The following DIAPH2 variants were observed in gnomAD, a reference collection of about 807,000 sequenced individuals.
DIAPH2 encodes the protein protein diaphanous homolog 2.
Under a neutral mutation model 92.7 loss-of-function variants are expected in DIAPH2, and 35 were observed. The observed-to-expected ratio is 0.38, with a 90% confidence interval of 0.29 to 0.50. The LOEUF is 0.50. Ranked by LOEUF, DIAPH2 falls within the 20% of genes least tolerant of loss-of-function variation. The probability of loss-of-function intolerance (pLI) is 0.94; values close to 1 mark genes in which losing one functional copy is unlikely to be tolerated. For synonymous variants in DIAPH2, 301 were observed against 280.4 expected, an observed-to-expected ratio of 1.07 and a Z score of -0.73; for missense variants, 701 against 819.5, an observed-to-expected ratio of 0.86 and a Z score of 1.77.
At chrX:97,169,581 T>C (rs1270905608) in intron 22 of DIAPH2, among the ~76,000 whole-genome samples, 4 of 111,850 alleles carry the variant, frequency 3.6e-5, no homozygotes, top group Admixed American at 2.9e-4. Flanking sequence ...TTATTTGCAA[T>C]TGGCCAGTCA....
Position 97,072,913 on chromosome X carries a change from G to A in DIAPH2, c.2051-28G>A, listed in dbSNP as rs757435303. Reference sequence around the variant, plus strand: ...GTGTACTTGGATTAGTACCCTTATTGTTTATGAATCAACATTTTTTCTTTC... The same window carrying A: ...GTGTACTTGGATTAGTACCCTTATTATTTATGAATCAACATTTTTTCTTTC... On this transcript the variant is annotated intron_variant, in intron 17 of 26. Coordinates refer to ENST00000324765, the MANE Select transcript of DIAPH2 (RefSeq NM_006729.5). 7.2e-5 allele frequency: 76 copies of A among 1,052,946 alleles called. No homozygotes were observed. The East Asian group carries it at 2.1e-3, about 30-fold the overall frequency. 86.8% of individuals were successfully genotyped at this position (1,052,946 alleles called of 1,213,427 possible).
At chrX:97,100,667 A>G (rs144676845) in intron 20 of DIAPH2, among the ~76,000 whole-genome samples, 164 of 112,026 alleles carry the variant, frequency 1.5e-3, no homozygotes, top group African/African-American at 5.0e-3. Flanking sequence ...TTCCATTTGC[A>G]TACTAAAATT....
At chrX:97,155,227 G>C (rs752222859) in intron 22 of DIAPH2, among the ~76,000 whole-genome samples, 12 of 111,973 alleles carry the variant, frequency 1.1e-4, no homozygotes, top group African/African-American at 3.9e-4. Flanking sequence ...AAATAGGCCG[G>C]GCTTGGTGGC....
rs2071595033 is a variant in DIAPH2 at position 97,601,400 on chromosome X, T to TTA, written c.*2089_*2090dup. On this transcript the variant is annotated 3_prime_UTR_variant, in exon 27 of 27. Coordinates refer to ENST00000324765, the MANE Select transcript of DIAPH2 (RefSeq NM_006729.5). ...CGAATGAAGTACTATTATTGATAAC[T>TTA]TATATATTTTTATTTAGAGCAATCC... 9.0e-6 allele frequency: 1 copy of TTA among 110,854 alleles called. No individual in the cohort carries two copies. Among genetic ancestry groups the TTA allele is most frequent in the Admixed American group, 9.7e-5 (1 of 10,320 alleles). The allele number at this position is 110,854 out of a possible 1,213,427, so 9.1% of individuals were successfully genotyped here.
intron 23 of DIAPH2, among the ~76,000 whole-genome samples, chrX:97,249,601 C>T (rs2068170905): frequency 8.9e-6 from 1 of 112,226 alleles, no homozygotes; most frequent in Non-Finnish European, 1.9e-5. Context: ...AAAGATAAAA[C>T]TGTGGCTCAA....
At chrX:96,826,820 C>T (rs1306008524) in intron 4 of DIAPH2, among the ~76,000 whole-genome samples, 4 of 111,675 alleles carry the variant, frequency 3.6e-5, no homozygotes, top group Non-Finnish European at 7.5e-5. Context: ...CCCCTAGGCC[C>T]AAGTGGTCCT....
chrX:97,285,383 C>CAAAAAAAAAAAAAA (rs11336007), intron 23 of DIAPH2, among the ~76,000 whole-genome samples: 3 of 38,098 alleles, frequency 7.9e-5, no homozygotes, highest in African/African-American at 1.1e-4. Context: ...ACTAAAAATA[C>CAAAAAAAAAAAAAA]AAAAAAAAAA....
chrX:97,212,952 T>C (rs180796210), intron 22 of DIAPH2, among the ~76,000 whole-genome samples: 1 of 112,034 alleles, frequency 8.9e-6, no homozygotes, highest in Admixed American at 9.5e-5. Flanking sequence ...GATATTTTTA[T>C]CATTATACAA....
At chrX:96,920,181 AT>A (rs1489712933) in intron 9 of DIAPH2, among the ~76,000 whole-genome samples, 1 of 111,164 alleles carries the variant, frequency 9.0e-6, no homozygotes, top group Non-Finnish European at 1.9e-5. Flanking sequence ...AGATTAGTAT[AT>A]TTTTTCCCAG....
intron 4 of DIAPH2, among the ~76,000 whole-genome samples, chrX:96,832,028 AAGG>A (rs2064858396): frequency 9.0e-6 from 1 of 111,676 alleles, no homozygotes; most frequent in Non-Finnish European, 1.9e-5. Context: ...GTGACCTTCT[AAGG>A]AGGAGAACCA....
At chrX:97,489,537 G>C (rs1436382660) in intron 26 of DIAPH2, among the ~76,000 whole-genome samples, 1 of 110,890 alleles carries the variant, frequency 9.0e-6, no homozygotes. Context: ...GAAAAACTTT[G>C]TGTTTTATCA....
At chrX:97,058,921 C>T (rs1282619477) in intron 17 of DIAPH2, among the ~76,000 whole-genome samples, 1 of 111,592 alleles carries the variant, frequency 9.0e-6, no homozygotes, top group Non-Finnish European at 1.9e-5. Flanking sequence ...TTAAGTAGGG[C>T]AGCATGTGGA....
chrX:96,987,016 A>C (rs1458161379), intron 17 of DIAPH2, among the ~76,000 whole-genome samples: 2 of 111,628 alleles, frequency 1.8e-5, no homozygotes, highest in Non-Finnish European at 3.8e-5. Context: ...TTTTTTTTAC[A>C]ACCCTTTCAG....
chrX:96,877,945 TTGTC>T (rs1311931495), intron 4 of DIAPH2, among the ~76,000 whole-genome samples: 6 of 112,163 alleles, frequency 5.3e-5, no homozygotes, highest in African/African-American at 1.6e-4. Context: ...ATTGCTAACT[TTGTC>T]TGCATTATTT....
chrX:97,258,889 A>AAC (rs1556011964), intron 23 of DIAPH2, among the ~76,000 whole-genome samples: 11 of 102,099 alleles, frequency 1.1e-4, no homozygotes, highest in African/African-American at 3.0e-4. Context: ...AAAAAAAAAA[A>AAC]AACAACAACA....
At chrX:97,360,352 G>A (rs1243182343) in intron 24 of DIAPH2, among the ~76,000 whole-genome samples, 3 of 110,253 alleles carry the variant, frequency 2.7e-5, no homozygotes, top group Non-Finnish European at 3.8e-5. Context: ...GGTGGCTCAC[G>A]CCTGTAATCC....
chrX:97,276,632 A>G (rs1398833041), intron 23 of DIAPH2, among the ~76,000 whole-genome samples: 1 of 112,066 alleles, frequency 8.9e-6, no homozygotes, highest in Non-Finnish European at 1.9e-5. Context: ...TCAACACAGC[A>G]TTCTAGGCAG....
chrX:97,309,926 A>G (rs1204932165), intron 23 of DIAPH2, among the ~76,000 whole-genome samples: 2 of 112,367 alleles, frequency 1.8e-5, no homozygotes, highest in Admixed American at 9.5e-5. Flanking sequence ...TAATCTTGAC[A>G]TAACAAGAAA....
intron 26 of DIAPH2, among the ~76,000 whole-genome samples, chrX:97,466,893 A>G (rs2070517279): frequency 8.9e-6 from 1 of 112,196 alleles, no homozygotes; most frequent in African/African-American, 3.2e-5. Context: ...GTGTATAGGT[A>G]TGTTTATATG....
Sources: gnomAD v4.1 joint callset for allele counts (sites outside exome capture counted in the v4.1 genomes callset) on GRCh38, gnomAD v4.1.1 for gene constraint, MANE v1.5 for transcripts, NCBI Gene and HGNC (gene_info 2026-07-23, HGNC 2026-07-21) for gene names.